The following NACAD variants were observed in gnomAD, a reference collection of about 807,000 sequenced individuals.
The protein encoded by NACAD is NAC-alpha domain-containing protein 1.
NACAD carries 47 observed loss-of-function variants against 98.9 expected under a neutral mutation model. The observed-to-expected ratio is 0.48, with a 90% CI of 0.38 to 0.61. NACAD has a LOEUF of 0.61. Among genes scored for constraint, NACAD ranks in the 20% least tolerant of loss-of-function variants. The pLI is 0.00. For missense variants in NACAD, 1,412 were observed against 1,748.2 expected, an observed-to-expected ratio of 0.81 and a Z score of 3.43; for synonymous variants, 696 against 767.2, an observed-to-expected ratio of 0.91 and a Z score of 1.53.
In NACAD at chr7:45,083,137, C is replaced by A. The variant is rs576670818; in HGVS notation, c.3043G>T (p.Ala1015Ser). 1.6e-4 allele frequency: 247 copies of A among 1,550,818 alleles called. 1 individual carries two copies. The South Asian group carries it at 2.8e-3, about 17-fold the overall frequency. The change falls in exon 2 of 8, where the codon GCA becomes TCA. Residue 1015 changes from alanine to serine, a missense_variant. By Grantham distance (99) the Ala-to-Ser change is moderately conservative. This residue lies in a region of NACAD where 572 missense variants were observed against 639.6 expected (regional missense o/e 0.89). Transcript: ENST00000490531. ...AAAGTGGAATCCGCATCTTCCTGTG[C>A]GGCCCAAGGTGTCCCAGCTTCTGCA... ...PAAEAGTPWA[A>S]QEDADSTLGM...
rs1455884045 is a variant in NACAD, at chr7:45,088,050, C to A, written c.67+778G>T. Reference sequence around the variant, plus strand: ...AGCCTGTGTCACCCCAAACCAGGCCCCAGGCCCCAGCAGTGGTCCCATCTC... The same window carrying A: ...AGCCTGTGTCACCCCAAACCAGGCCACAGGCCCCAGCAGTGGTCCCATCTC... On this transcript the variant is annotated intron_variant, in intron 1 of 7. Coordinates refer to ENST00000490531, the MANE Select transcript of NACAD (RefSeq NM_001146334.2). The surrounding 1 kb of genome is among the most constrained non-coding windows in gnomAD (Gnocchi z 5.7). 6.6e-6 allele frequency among the ~76,000 whole-genome samples: 1 copy of A among 152,218 alleles called. No homozygotes were observed. The highest frequency in any genetic ancestry group is 1.5e-5 in the Non-Finnish European group (1 of 68,036).
rs752883656 is a variant in NACAD, at chr7:45,080,926, G to A, written c.4501C>T (p.Pro1501Ser). ...SALVPESAPR[P>S]RVRLECKEEE... ...TCCTTGCACTCCAGCCTCACCCGGG[G>A]CCTGGGTGCTGACTCAGGGACCAAG... is the stretch of plus-strand genomic sequence containing the variant. Residue 1501 changes from proline (P) to serine (S), a missense_variant, in exon 6 of 8, where the codon CCC becomes TCC. By Grantham distance (74) the Pro-to-Ser change is moderately conservative. Transcript: ENST00000490531. 243 of 1,554,090 alleles carry A rather than the reference G, an allele frequency of 1.6e-4. 2 individuals are homozygous for A. The Middle Eastern group carries it at 1.7e-3, about 11-fold the overall frequency.
Position 45,084,980 on chromosome 7 carries a change from A to G in NACAD, c.1200T>C (p.Asp400=). ...DSDSASYAEA[D]DERLYSGEPH... Reference sequence around the variant, plus strand: ...GCTCCCCGCTGTACAGCCTCTCATCATCTGCCTCTGCGTAGGAGGCTGAGT... The same window carrying G: ...GCTCCCCGCTGTACAGCCTCTCATCGTCTGCCTCTGCGTAGGAGGCTGAGT... The change falls in exon 2 of 8, where the codon GAT becomes GAC. Residue 400 remains aspartate, a synonymous_variant. Coordinates refer to ENST00000490531, the MANE Select transcript of NACAD (RefSeq NM_001146334.2). 6.4e-7 allele frequency: 1 copy of G among 1,551,096 alleles called. No individual in the cohort carries two copies. Among genetic ancestry groups the G allele is most frequent in the Non-Finnish European group, 8.7e-7 (1 of 1,146,970 alleles).
chr7:45,086,205 C>A, intron 1 of NACAD, 93 bp from the exon 2 acceptor site: 1 of 1,350,326 alleles, frequency 7.4e-7, no homozygotes, highest in Non-Finnish European at 1.0e-6. Flanking sequence ...GCATAGGGCC[C>A]AGAGGAAGGT....
At position 45,082,897 on chromosome 7, in the gene NACAD, A is replaced by C. The variant is rs1328462731; in HGVS notation, c.3283T>G (p.Ser1095Ala). ...KPLAQEHGPR[S>A]ALGGAREVPD... ...ACCTCCCTTGCACCTCCAAGTGCTG[A>C]CCTGGGTCCATGTTCCTGTGCCAGT... Residue 1095 changes from serine to alanine, a missense_variant, in exon 2 of 8, where the codon TCA becomes GCA. Around this residue, in one of 5 missense-constraint regions of NACAD, gnomAD observed 572 missense variants for 639.6 expected, o/e 0.89. Transcript: ENST00000490531. The surrounding 1 kb of genome is among the most constrained non-coding windows in gnomAD (Gnocchi z 4.5). The C allele has an allele frequency of 1.3e-6, 2 of 1,550,964 alleles. No individual in the cohort carries two copies. The highest frequency in any genetic ancestry group is 4.9e-5 in the East Asian group (2 of 40,912).
Position 45,080,672 on chromosome 7 carries a change from C to G in NACAD, c.4642G>C (p.Asp1548His), listed in dbSNP as rs1281634432. The change falls in exon 7 of 8, where the codon GAC becomes CAC. Residue 1548 changes from aspartate to histidine, a missense_variant. Physicochemically the swap from Asp to His is moderately conservative, Grantham distance 81 (BLOSUM62 -1). Transcript: ENST00000490531. Reference protein sequence around the residue: ...SRAKAVRALRDNHSDIVNAIM... With the variant: ...SRAKAVRALRHNHSDIVNAIM... ...GCGTTGACGATGTCACTGTGGTTGT[C>G]TCTCAGAGCCCGCACGGCCTTGGCC... 1.4e-5 allele frequency: 22 copies of G among 1,551,338 alleles called. No homozygotes were observed. The South Asian group carries it at 2.6e-4, about 18-fold the overall frequency.
rs1218743838 is a variant in NACAD, at chr7:45,088,915, C to T, written c.-21G>A. ...GGCATGGCCTGGCCGTGCGCCCGCC[C>T]GTCCCTCAGTCCTTCCGACCCTCCG... On this transcript the variant is annotated 5_prime_UTR_variant, in exon 1 of 8. Transcript: ENST00000490531. This position sits in a 1 kb window ranked among gnomAD's most constrained non-coding sequence, Gnocchi z 5.7. 33 of 1,395,844 alleles carry T rather than the reference C, an allele frequency of 2.4e-5. No individual in the cohort carries two copies. The highest frequency in any genetic ancestry group is 1.7e-4 in the Admixed American group (6 of 34,608). The allele number at this position is 1,395,844 out of a possible 1,614,324, so 86.5% of individuals were successfully genotyped here.
rs1261306834 is a variant in NACAD at position 45,081,240 on chromosome 7, C to T, written c.4281G>A (p.Arg1427=). Residue 1427 remains arginine, a synonymous_variant, in exon 5 of 8, where the codon CGG becomes CGA. Transcript: ENST00000490531. The part of the protein sequence containing the change: ...ARKAMSKLGL[R]QIQGVTRITI... ...TGATCCTGGTGACTCCCTGAATCTG[C>T]CGCAAGCCCAGCTTTGACATTGCCT... 3.9e-6 allele frequency: 6 copies of T among 1,551,430 alleles called. No individual in the cohort carries two copies. Among genetic ancestry groups the T allele is most frequent in the African/African-American group, 1.4e-5 (1 of 73,174 alleles).
In NACAD at chr7:45,081,107, C is replaced by G; in HGVS notation, c.4404+10G>C. 1 of 1,551,378 alleles carries G rather than the reference C, an allele frequency of 6.4e-7. No individual in the cohort carries two copies. The highest frequency in any genetic ancestry group is 8.7e-7 in the Non-Finnish European group (1 of 1,146,936). ...CGGATCCCCCATTCCACCACAGCCG[C>G]CACCCAGACCTTGGCCTCGCCAAAG... On this transcript the variant is annotated intron_variant, in intron 5 of 7. Transcript: ENST00000490531.
At chr7:45,081,939 C>T (rs1784436964) in intron 2 of NACAD, 72 bp from the exon 3 acceptor site, 1 of 1,474,766 alleles carries the variant, frequency 6.8e-7, no homozygotes, top group Admixed American at 2.0e-5. Flanking sequence ...AGGACCCTGG[C>T]CCTGCTGCCA....
At position 45,084,812 on chromosome 7, in the gene NACAD, G is replaced by T; in HGVS notation, c.1368C>A (p.Ala456=). 1 of 1,550,832 alleles carries T rather than the reference G, an allele frequency of 6.4e-7. No homozygotes were observed. The highest frequency in any genetic ancestry group is 8.7e-7 in the Non-Finnish European group (1 of 1,146,920). ...EAAPQTSDRG[A]YLSQRQELIS... Reference sequence around the variant, plus strand: ...TCAATTCCTGTCTCTGGGACAGATAGGCCCCTCTGTCTGAGGTCTGAGGAG... The same window carrying T: ...TCAATTCCTGTCTCTGGGACAGATATGCCCCTCTGTCTGAGGTCTGAGGAG... Residue 456 remains alanine (A), a synonymous_variant, in exon 2 of 8, where the codon GCC becomes GCA. Coordinates refer to ENST00000490531, the MANE Select transcript of NACAD (RefSeq NM_001146334.2).
Position 45,085,103 on chromosome 7 carries a change from G to A in NACAD, c.1077C>T (p.Ala359=), listed in dbSNP as rs1028934956. The part of the protein sequence containing the change: ...AGEGEEDSTS[A]SFLQSLSDLS... The stretch of plus-strand genomic sequence containing the variant: ...GGTCAGACAGTGACTGCAGGAAGGA[G>A]GCAGACGTGCTGTCCTCCTCACCCT... The change falls in exon 2 of 8, where the codon GCC becomes GCT. Residue 359 remains alanine, a synonymous_variant. Coordinates refer to ENST00000490531, the MANE Select transcript of NACAD (RefSeq NM_001146334.2). This position sits in a 1 kb window ranked among gnomAD's most constrained non-coding sequence, Gnocchi z 6.1. 4 of 1,550,932 alleles carry A rather than the reference G, an allele frequency of 2.6e-6. No homozygotes were observed. In the African/African-American group the frequency reaches 5.5e-5, roughly 21 times the overall value.
chr7:45,081,972 G>T, intron 2 of NACAD, 105 bp from the exon 3 acceptor site: 1 of 1,441,156 alleles, frequency 6.9e-7, no homozygotes, highest in Non-Finnish European at 9.3e-7. Context: ...AGGAAGCAGT[G>T]CCAGCTCTCC....
Position 45,088,854 on chromosome 7 carries a change from T to A in NACAD, c.41A>T (p.Glu14Val), listed in dbSNP as rs904196111. The change falls in exon 1 of 8, where the codon GAG (glutamate) becomes GTG (valine). Residue 14 changes from glutamate to valine, a missense_variant. By Grantham distance (121) the Glu-to-Val change is moderately radical. Coordinates refer to ENST00000490531, the MANE Select transcript of NACAD (RefSeq NM_001146334.2). The surrounding 1 kb of genome is among the most constrained non-coding windows in gnomAD (Gnocchi z 5.7). ...EAARAELLLPEADRPGPRTDL... is the reference protein window; with the variant it reads ...EAARAELLLPVADRPGPRTDL... Reference sequence around the variant, plus strand: ...TGTGCGGGGCCCGGGTCGGTCCGCCTCGGGCAGCAGCAGCTCGGCGCGGGC... The same window carrying A: ...TGTGCGGGGCCCGGGTCGGTCCGCCACGGGCAGCAGCAGCTCGGCGCGGGC... 4 of 1,489,716 alleles carry A rather than the reference T, an allele frequency of 2.7e-6. No individual in the cohort carries two copies. The East Asian group carries it at 8.5e-5, about 32-fold the overall frequency. The allele number at this position is 1,489,716 out of a possible 1,614,324, so 92.3% of individuals were successfully genotyped here. A position where few individuals can be genotyped will look rare whatever the true frequency, so the allele number is the denominator to read the frequency against.
Position 45,084,218 on chromosome 7 carries a change from C to T in NACAD, c.1962G>A (p.Ser654=), listed in dbSNP as rs373274321. The change falls in exon 2 of 8, where the codon TCG becomes TCA. Residue 654 remains serine, a synonymous_variant. Transcript: ENST00000490531. ...PPLPLQDTEL[S]SAPKPVAAAT... Reference sequence around the variant, plus strand: ...CTGCAGCCACAGGCTTTGGGGCTGACGAGAGTTCTGTGTCTTGTAGGGGCA... The same window carrying T: ...CTGCAGCCACAGGCTTTGGGGCTGATGAGAGTTCTGTGTCTTGTAGGGGCA... 3 of 1,124,124 alleles carry T rather than the reference C, an allele frequency of 2.7e-6. No individual in the cohort carries two copies. The highest frequency in any genetic ancestry group is 3.4e-6 in the Non-Finnish European group (3 of 883,846). The allele number at this position is 1,124,124 out of a possible 1,614,324, so 69.6% of individuals were successfully genotyped here.
In NACAD at chr7:45,084,366, G is replaced by A; in HGVS notation, c.1814C>T (p.Pro605Leu). The A allele has an allele frequency of 1.4e-6, 2 of 1,430,168 alleles. No individual in the cohort carries two copies. Among genetic ancestry groups the A allele is most frequent in the Non-Finnish European group, 9.5e-7 (1 of 1,051,928 alleles). The allele number at this position is 1,430,168 out of a possible 1,614,324, so 88.6% of individuals were successfully genotyped here. The change falls in exon 2 of 8, where the codon CCT becomes CTT. Residue 605 changes from proline to leucine, a missense_variant. Coordinates refer to ENST00000490531, the MANE Select transcript of NACAD (RefSeq NM_001146334.2). ...TLPQDSAMTP[P>L]LPLQDTDLSS... ...GAGATCTGTGTCTTGTAGGGGCAGA[G>A]GCGGTGTCATAGCGGAGTCCTGGGG... is the stretch of plus-strand genomic sequence containing the variant.
At chr7:45,080,825 T>G (rs1217417862) in intron 6 of NACAD, 51 bp downstream of exon 6, 1 of 1,549,244 alleles carries the variant, frequency 6.5e-7, no homozygotes, top group African/African-American at 1.4e-5. Flanking sequence ...AGAGCCCCCA[T>G]GTAGCGCCTC....
Position 45,088,682 on chromosome 7 carries a change from G to C in NACAD, c.67+146C>G. ...GAGAGGCGGTAGCAGGGTTCAGATG[G>C]AGGGAAGGACAGGGCGCGGAAAGGG... On this transcript the variant is annotated intron_variant, in intron 1 of 7. Coordinates refer to ENST00000490531, the MANE Select transcript of NACAD (RefSeq NM_001146334.2). The surrounding 1 kb of genome is among the most constrained non-coding windows in gnomAD (Gnocchi z 5.7). The C allele has an allele frequency of 1.8e-6, 1 of 564,306 alleles. No individual in the cohort carries two copies. The highest frequency in any genetic ancestry group is 2.7e-6 in the Non-Finnish European group (1 of 366,092). The allele number at this position is 564,306 out of a possible 1,614,324, so 35.0% of individuals were successfully genotyped here. A position where few individuals can be genotyped will look rare whatever the true frequency, so the allele number is the denominator to read the frequency against.
rs1169735920 is a variant in NACAD at position 45,082,440 on chromosome 7, G to A, written c.3740C>T (p.Ala1247Val). The A allele has an allele frequency of 6.5e-7, 1 of 1,548,782 alleles. No homozygotes were observed. Among genetic ancestry groups the A allele is most frequent in the Non-Finnish European group, 8.7e-7 (1 of 1,146,532 alleles). The change falls in exon 2 of 8, where the codon GCC (alanine) becomes GTC (valine). Residue 1247 changes from alanine to valine, a missense_variant. Transcript: ENST00000490531. This position sits in a 1 kb window ranked among gnomAD's most constrained non-coding sequence, Gnocchi z 4.5. ...CTGGGGGTCCTGGCACAGGCAGGGG[G>A]CTGGGGGCTCCAGTGGGGGTAGGGC... ...GAALPPLEPP[A>V]PCLCQDPQED...
Sources: gnomAD v4.1 joint callset for allele counts (sites outside exome capture counted in the v4.1 genomes callset) on GRCh38, gnomAD v4.1.1 for gene constraint, gnomAD v4.1.1 regional missense constraint, Gnocchi (gnomAD v3.1) non-coding constraint, MANE v1.5 for transcripts, NCBI Gene and HGNC (gene_info 2026-07-23, HGNC 2026-07-21) for gene names.